The following TCEA3 variants were observed in gnomAD, a reference collection of about 807,000 sequenced individuals.
TCEA3 encodes transcription elongation factor A3, also known as transcription elongation factor A protein 3.
A neutral mutation model predicts 44.0 loss-of-function variants in TCEA3; 36 were observed. That is an observed-to-expected ratio of 0.82 (90% CI 0.63 to 1.08). The LOEUF (loss-of-function observed/expected upper bound fraction) is 1.08, where lower values mean the gene tolerates loss of function less well. TCEA3 is among the 50% of genes least tolerant of loss of function. TCEA3 has a pLI of 0.00. For missense variants in TCEA3, 392 were observed against 441.2 expected (o/e 0.89, Z 1.00); for synonymous variants, 162 against 159.7 (o/e 1.01, Z -0.11).
intron 1 of TCEA3, 143 bp from the exon 2 acceptor site, chr1:23,419,282 GACGAGAA>G: frequency 1.8e-6 from 1 of 565,050 alleles, no homozygotes; most frequent in East Asian, 3.1e-5. Flanking sequence ...GAAGGAGAGA[GACGAGAA>G]ACAATCTGTC....
intron 5 of TCEA3, among the ~76,000 whole-genome samples, chr1:23,406,295 T>A (rs1359708957): frequency 6.6e-6 from 1 of 152,216 alleles, no homozygotes; most frequent in Non-Finnish European, 1.5e-5. Flanking sequence ...TGTCTCTAAT[T>A]TTCTTTCCAA....
intron 8 of TCEA3, among the ~76,000 whole-genome samples, chr1:23,388,624 G>T (rs1167740753): frequency 6.6e-6 from 1 of 152,120 alleles, no homozygotes; most frequent in African/African-American, 2.4e-5. Context: ...ATAAAATGCA[G>T]ATTCCTATGA....
At chr1:23,384,274 T>G in intron 10 of TCEA3, 72 bp downstream of exon 10, 1 of 1,611,484 alleles carries the variant, frequency 6.2e-7, no homozygotes, top group Non-Finnish European at 8.5e-7. Context: ...TTCTGGGTTG[T>G]GGGTACACTA....
chr1:23,417,914 C>T lies in TCEA3; in HGVS notation c.228G>A (p.Lys76=). 2.5e-6 allele frequency: 4 copies of T among 1,614,076 alleles called. No homozygotes were observed. The highest frequency in any genetic ancestry group is 3.4e-6 in the Non-Finnish European group (4 of 1,179,898). ...CTTGTCCTCTCTCACCTAGCAGCCGCTTCCAGTTTTTGATAAGGACTTTGG... is the reference window on the plus strand; with the variant it reads ...CTTGTCCTCTCTCACCTAGCAGCCGTTTCCAGTTTTTGATAAGGACTTTGG... ...SLAKVLIKNW[K]RLLDSPGPPK... The change falls in exon 3 of 11, where the codon AAG becomes AAA. Residue 76 remains lysine, a synonymous_variant. Coordinates refer to ENST00000450454, the MANE Select transcript of TCEA3 (RefSeq NM_003196.3).
At chr1:23,403,784 G>A (rs965676830) in intron 5 of TCEA3, 5 of 340,664 alleles carry the variant, frequency 1.5e-5, no homozygotes, top group Non-Finnish European at 2.2e-5. Context: ...CCTCCTACCT[G>A]AGCAAGACTA....
chr1:23,397,913 A>C lies in TCEA3; in HGVS notation c.486T>G (p.Pro162=), dbSNP rs370206562. Residue 162 remains proline, a synonymous_variant, in exon 6 of 11, where the codon CCT becomes CCG. Transcript: ENST00000450454. ...CAAACGTGGGGGTCAAGGGGCTGCT[A>C]GGTGTTTTGGGGCTCTCCGCTTTTG... ...SKSKAESPKT[P]SSPLTPTFAS... The C allele has an allele frequency of 7.9e-5, 127 of 1,613,796 alleles. No homozygotes were observed. In the East Asian group the frequency reaches 1.1e-3, roughly 14 times the overall value.
rs1445010824 is a variant in TCEA3, at chr1:23,384,354, G to T, written c.1030C>A (p.Arg344Ser). Residue 344 changes from arginine (R) to serine (S), a missense_variant, in exon 10 of 11, where the codon CGC (arginine) becomes AGC (serine). Transcript: ENST00000450454. ...TFVLCNECGN[R>S]WKFC ...TACATAAACATACAGACCTTCCAGC[G>T]ATTGCCACATTCATTGCATAAGACA... 2 of 1,613,846 alleles carry T rather than the reference G, an allele frequency of 1.2e-6. No individual in the cohort carries two copies. Among genetic ancestry groups the T allele is most frequent in the African/African-American group, 2.7e-5 (2 of 74,938 alleles).
chr1:23,420,942 C>T (rs1336634906), intron 1 of TCEA3, among the ~76,000 whole-genome samples: 1 of 152,128 alleles, frequency 6.6e-6, no homozygotes, highest in African/African-American at 2.4e-5. Flanking sequence ...GGACGGTGTC[C>T]TGTATGTTCC....
At chr1:23,423,924 T>G (rs1640138393) in intron 1 of TCEA3, 1 of 449,950 alleles carries the variant, frequency 2.2e-6, no homozygotes, top group East Asian at 7.1e-5. Flanking sequence ...CCCGGCCCCC[T>G]TCCCCCGCCC....
intron 8 of TCEA3, among the ~76,000 whole-genome samples, chr1:23,391,838 G>A (rs183820596): frequency 2.3e-3 from 357 of 152,186 alleles, no homozygotes; most frequent in African/African-American, 8.3e-3. Flanking sequence ...CAGTAGAATC[G>A]CTTGAACCTG....
At position 23,414,696 on chromosome 1, in the gene TCEA3, C is replaced by T. The variant is rs759070627; in HGVS notation, c.380+2553G>A. 1.6e-4 allele frequency among the ~76,000 whole-genome samples: 24 copies of T among 152,280 alleles called. 1 individual carries two copies. The highest frequency in any genetic ancestry group is 3.4e-3 in the Middle Eastern group (1 of 294). On this transcript the variant is annotated intron_variant, in intron 4 of 10. Transcript: ENST00000450454. Reference sequence around the variant, plus strand: ...AATTACAAGCATGAGACACTGCACCCGGCCTATTTTCTTATTTATTTGTAT... The same window carrying T: ...AATTACAAGCATGAGACACTGCACCTGGCCTATTTTCTTATTTATTTGTAT...
chr1:23,397,007 A>G lies in TCEA3; in HGVS notation c.664+538T>C, dbSNP rs1175673869. Among the ~76,000 whole-genome samples, 4 of 98,728 alleles carry G rather than the reference A, an allele frequency of 4.1e-5. No homozygotes were observed. The East Asian group carries it at 1.1e-3, about 26-fold the overall frequency. 64.8% of individuals were successfully genotyped at this position (98,728 alleles called of 152,430 possible). On this transcript the variant is annotated intron_variant, in intron 7 of 10. Transcript: ENST00000450454. ...GCAACAGGAGTGAAACTCCGTCTCA[A>G]AAAAAAAAAAAAAAAAAAAAGGGCG...
intron 1 of TCEA3, among the ~76,000 whole-genome samples, chr1:23,421,949 G>C (rs1640077385): frequency 6.6e-6 from 1 of 152,216 alleles, no homozygotes; most frequent in Admixed American, 6.5e-5. Flanking sequence ...ATAGCCATGA[G>C]CCTGGATTGT....
rs1369835814 is a variant in TCEA3 at position 23,407,777 on chromosome 1, C to G, written c.443+887G>C. 5.3e-5 allele frequency among the ~76,000 whole-genome samples: 8 copies of G among 152,056 alleles called. No homozygotes were observed. In the East Asian group the frequency reaches 1.2e-3, roughly 22 times the overall value. On this transcript the variant is annotated intron_variant, in intron 5 of 10. Coordinates refer to ENST00000450454, the MANE Select transcript of TCEA3 (RefSeq NM_003196.3). ...GTCTCTTTTGTGCATGTCTGTATCC[C>G]TGGCACCTAGGATAGTTCTTGACAC...
chr1:23,405,803 C>T (rs1639527419), intron 5 of TCEA3, among the ~76,000 whole-genome samples: 2 of 152,128 alleles, frequency 1.3e-5, no homozygotes, highest in Non-Finnish European at 2.9e-5. Flanking sequence ...GGCTCAAATC[C>T]TTACATGAAT....
chr1:23,417,419 C>A, intron 3 of TCEA3, 29 bp from the exon 4 acceptor site: 1 of 1,606,606 alleles, frequency 6.2e-7, no homozygotes. Flanking sequence ...CATTGTCCCT[C>A]AGCTAAGCTC....
At chr1:23,403,012 G>T (rs1245514867) in intron 5 of TCEA3, among the ~76,000 whole-genome samples, 2 of 152,166 alleles carry the variant, frequency 1.3e-5, no homozygotes, top group Non-Finnish European at 2.9e-5. Context: ...CTCTCTCTGG[G>T]AGTACGAGAG....
At position 23,424,709 on chromosome 1, in the gene TCEA3, G is replaced by C; in HGVS notation, c.-76C>G. The C allele has an allele frequency of 8.3e-7, 1 of 1,206,718 alleles. No individual in the cohort carries two copies. The highest frequency in any genetic ancestry group is 1.2e-6 in the Non-Finnish European group (1 of 849,262). The allele number at this position is 1,206,718 out of a possible 1,614,324, so 74.8% of individuals were successfully genotyped here. A position where few individuals can be genotyped will look rare whatever the true frequency, so the allele number is the denominator to read the frequency against. On this transcript the variant is annotated 5_prime_UTR_variant, in exon 1 of 11. Coordinates refer to ENST00000450454, the MANE Select transcript of TCEA3 (RefSeq NM_003196.3). ...CCTCGGGGGCAGGAGGCGCGAAGGCGGAGGGCGCGCAACCCGCGCGGGCCC... is the reference window on the plus strand; with the variant it reads ...CCTCGGGGGCAGGAGGCGCGAAGGCCGAGGGCGCGCAACCCGCGCGGGCCC...
At chr1:23,388,951 G>C (rs976239701) in intron 8 of TCEA3, among the ~76,000 whole-genome samples, 1 of 152,096 alleles carries the variant, frequency 6.6e-6, no homozygotes, top group Non-Finnish European at 1.5e-5. Context: ...CCGAAGTGCC[G>C]GGATTACAGG....
Sources: allele counts gnomAD v4.1 joint callset (sites outside exome capture counted in the v4.1 genomes callset), GRCh38; gene constraint gnomAD v4.1.1; transcripts MANE v1.5; gene names NCBI Gene and HGNC (gene_info 2026-07-23, HGNC 2026-07-21).